MAGEB10: variants seen among roughly 807,000 people sequenced by gnomAD.
MAGEB10 encodes MAGE family member B10, also known as melanoma-associated antigen B10.
For synonymous variants in MAGEB10, 99 were observed against 101.0 expected, an observed-to-expected ratio of 0.98 and a Z score of 0.12; for missense variants, 190 against 261.9, an observed-to-expected ratio of 0.73 and a Z score of 1.89.
At chrX:27,811,195 T>A (rs774645573) in intron 1 of MAGEB10, among the ~76,000 whole-genome samples, 3 of 109,955 alleles carry the variant, frequency 2.7e-5, no homozygotes, top group Non-Finnish European at 5.7e-5. Flanking sequence ...GGAAGATACA[T>A]CTGAGGCCTC....
rs185395796 is a variant in MAGEB10 at position 27,822,114 on chromosome X, C to T, written c.808C>T (p.Arg270Cys). 1.3e-5 allele frequency: 16 copies of T among 1,210,479 alleles called. No homozygotes were observed. Among genetic ancestry groups the T allele is most frequent in the Admixed American group, 2.2e-5 (1 of 45,834 alleles). ...GCAAGTGCCCAACAGTGATCCTCCA[C>T]GCTATCAATTCCTATGGGGCCCAAG... is the stretch of plus-strand genomic sequence containing the variant. ...YQQVPNSDPP[R>C]YQFLWGPRAH... The change falls in exon 3 of 3, where the codon CGC becomes TGC. Residue 270 changes from arginine (R) to cysteine (C), a missense_variant. Transcript: ENST00000356790.
At chrX:27,810,107 A>C (rs914175648) in intron 1 of MAGEB10, among the ~76,000 whole-genome samples, 3 of 111,451 alleles carry the variant, frequency 2.7e-5, no homozygotes, top group African/African-American at 9.8e-5. Context: ...TAACAGAATA[A>C]AAGTAGGCTG....
chrX:27,813,828 G>C (rs780050270), intron 1 of MAGEB10, among the ~76,000 whole-genome samples: 6 of 112,001 alleles, frequency 5.4e-5, no homozygotes, highest in Non-Finnish European at 7.5e-5. Flanking sequence ...CAGTTATTTT[G>C]AGGTAATAGA....
intron 2 of MAGEB10, among the ~76,000 whole-genome samples, chrX:27,820,627 G>T (rs1923866634): frequency 9.0e-6 from 1 of 111,187 alleles, no homozygotes; most frequent in African/African-American, 3.3e-5. Context: ...GTTAGGCTGA[G>T]GTCTCTCTCA....
chrX:27,822,149 T>G lies in MAGEB10; in HGVS notation c.843T>G (p.Ala281=). ...YQFLWGPRAH[A]ETSKMKVLEF... ...TCCTATGGGGCCCAAGAGCCCATGC[T>G]GAAACCAGCAAGATGAAAGTTCTTG... The change falls in exon 3 of 3, where the codon GCT becomes GCG. Residue 281 remains alanine (A), a synonymous_variant. Coordinates refer to ENST00000356790, the MANE Select transcript of MAGEB10 (RefSeq NM_182506.3). The G allele has an allele frequency of 8.3e-7, 1 of 1,212,062 alleles. No individual in the cohort carries two copies. Among genetic ancestry groups the G allele is most frequent in the Non-Finnish European group, 1.1e-6 (1 of 895,617 alleles).
intron 1 of MAGEB10, chrX:27,812,538 G>A (rs1923711779): frequency 6.1e-6 from 1 of 164,637 alleles, no homozygotes; most frequent in Non-Finnish European, 1.2e-5. Context: ...TTGTGCCCCT[G>A]AGGAGGAAGT....
intron 1 of MAGEB10, among the ~76,000 whole-genome samples, chrX:27,810,577 C>T (rs1057205060): frequency 9.0e-6 from 1 of 110,988 alleles, no homozygotes; most frequent in Non-Finnish European, 1.9e-5. Context: ...CCAGGTGACC[C>T]CTCGCTTCAT....
At position 27,821,827 on chromosome X, in the gene MAGEB10, A is replaced by T. The variant is rs1400183878; in HGVS notation, c.521A>T (p.Asn174Ile). 6.6e-6 allele frequency: 8 copies of T among 1,209,956 alleles called. No homozygotes were observed. In the East Asian group the frequency reaches 2.4e-4, roughly 36 times the overall value. ...FGLDLKEVEPNKHIYVLVNKL... is the reference protein window; with the variant it reads ...FGLDLKEVEPIKHIYVLVNKL... ...CTTGACCTGAAGGAAGTGGAGCCTA[A>T]TAAGCACATCTATGTCCTTGTCAAC... Residue 174 changes from asparagine (N) to isoleucine (I), a missense_variant, in exon 3 of 3, where the codon AAT becomes ATT. Asn to Ile is a moderately radical substitution (Grantham distance 149). Transcript: ENST00000356790.
chrX:27,811,768 C>T (rs886918261), intron 1 of MAGEB10: 1 of 113,755 alleles, frequency 8.8e-6, no homozygotes, highest in South Asian at 3.4e-4. Context: ...ACAGAAGCAA[C>T]TTCCATAAAG....
rs1260295411 is a variant in MAGEB10 at position 27,811,910 on chromosome X, C to T, written c.-199+3874C>T. On this transcript the variant is annotated intron_variant, in intron 1 of 2. Coordinates refer to ENST00000356790, the MANE Select transcript of MAGEB10 (RefSeq NM_182506.3). ...TGCCTCGGGGTCAGAAAAGTAAGCC[C>T]CGTGCCCGTGAGAAACGCCGCCAGG... The T allele has an allele frequency of 2.1e-5, 3 of 143,997 alleles. No individual in the cohort carries two copies. The Admixed American group carries it at 2.1e-4, about 10-fold the overall frequency. The allele number at this position is 143,997 out of a possible 1,213,427, so 11.9% of individuals were successfully genotyped here. A position where few individuals can be genotyped will look rare whatever the true frequency, so the allele number is the denominator to read the frequency against.
Position 27,822,144 on chromosome X carries a change from C to A in MAGEB10, c.838C>A (p.His280Asn). ...TCAATTCCTATGGGGCCCAAGAGCC[C>A]ATGCTGAAACCAGCAAGATGAAAGT... ...RYQFLWGPRA[H>N]AETSKMKVLE... is the part of the protein sequence containing the mutation. The change falls in exon 3 of 3, where the codon CAT (histidine) becomes AAT (asparagine). Residue 280 changes from histidine to asparagine, a missense_variant. Physicochemically the swap from His to Asn is moderately conservative, Grantham distance 68. Transcript: ENST00000356790. The A allele has an allele frequency of 8.3e-7, 1 of 1,211,933 alleles. No individual in the cohort carries two copies.
intron 1 of MAGEB10, among the ~76,000 whole-genome samples, chrX:27,810,505 C>T (rs757202434): frequency 2.2e-4 from 24 of 111,621 alleles, no homozygotes; most frequent in Admixed American, 1.2e-3. Flanking sequence ...ATAAAGATGG[C>T]GGCCTTAGAG....
chrX:27,815,396 CTG>C (rs1256395256), intron 1 of MAGEB10, among the ~76,000 whole-genome samples: 1 of 112,212 alleles, frequency 8.9e-6, no homozygotes, highest in African/African-American at 3.2e-5. Flanking sequence ...CTCATCTGCT[CTG>C]AGTAATTCCA....
chrX:27,814,883 C>T (rs1417776563), intron 1 of MAGEB10, among the ~76,000 whole-genome samples: 1 of 112,398 alleles, frequency 8.9e-6, no homozygotes, highest in Non-Finnish European at 1.9e-5. Context: ...CATTTCTCTT[C>T]TCACTACTGC....
chrX:27,809,235 A>C (rs1158961353), intron 1 of MAGEB10, among the ~76,000 whole-genome samples: 3 of 110,277 alleles, frequency 2.7e-5, no homozygotes, highest in African/African-American at 9.9e-5. Context: ...CACTCAGAGC[A>C]GCTGGCAGGC....
intron 1 of MAGEB10, among the ~76,000 whole-genome samples, chrX:27,813,843 C>T (rs1261259938): frequency 9.0e-6 from 1 of 111,713 alleles, no homozygotes; most frequent in African/African-American, 3.3e-5. Flanking sequence ...AATAGATAAA[C>T]CAGAAATAAT....
intron 1 of MAGEB10, among the ~76,000 whole-genome samples, chrX:27,817,045 C>T (rs1923794854): frequency 9.2e-6 from 1 of 108,980 alleles, no homozygotes; most frequent in South Asian, 4.0e-4. Flanking sequence ...GCCAGTCTGC[C>T]ACCTCCATGC....
At chrX:27,810,236 A>C (rs939627464) in intron 1 of MAGEB10, among the ~76,000 whole-genome samples, 7 of 111,731 alleles carry the variant, frequency 6.3e-5, no homozygotes, top group Non-Finnish European at 1.1e-4. Context: ...TGCCTTTATG[A>C]GCTGTAACAC....
chrX:27,810,311 A>G (rs1488110067), intron 1 of MAGEB10, among the ~76,000 whole-genome samples: 2 of 112,033 alleles, frequency 1.8e-5, no homozygotes, highest in East Asian at 5.7e-4. Context: ...AGAAGGAAGA[A>G]GCTCCGAACA....
Sources: gnomAD v4.1 joint callset for allele counts (sites outside exome capture counted in the v4.1 genomes callset) on GRCh38, gnomAD v4.1.1 for gene constraint, MANE v1.5 for transcripts, NCBI Gene and HGNC (gene_info 2026-07-23, HGNC 2026-07-21) for gene names.